The following ABCA10 variants were observed in gnomAD, a reference collection of about 807,000 sequenced individuals.
ABCA10 encodes the protein ATP-binding cassette sub-family A member 10.
Under a neutral mutation model 187.5 loss-of-function variants are expected in ABCA10, and 169 were observed. The ratio of observed to expected loss-of-function variants is 0.90; its 90% confidence interval spans 0.80 to 1.02. The LOEUF (loss-of-function observed/expected upper bound fraction) is 1.02, where lower values mean the gene tolerates loss of function less well. Among genes scored for constraint, ABCA10 ranks in the 50% least tolerant of loss-of-function variants. ABCA10 has a pLI of 0.00. For synonymous variants in ABCA10, 574 were observed against 601.8 expected (o/e 0.95, Z 0.68); for missense variants, 1,727 against 1,812.4 (o/e 0.95, Z 0.86).
intron 1 of ABCA10, among the ~76,000 whole-genome samples, chr17:69,237,339 A>T (rs180952869): frequency 3.9e-4 from 59 of 152,370 alleles, no homozygotes; most frequent in Non-Finnish European, 8.1e-4. Flanking sequence ...CAGTGGCTGT[A>T]TACCACATGA....
At chr17:69,188,743 T>C (rs1298465968) in intron 18 of ABCA10, among the ~76,000 whole-genome samples, 2 of 152,048 alleles carry the variant, frequency 1.3e-5, no homozygotes, top group African/African-American at 2.4e-5. Context: ...TGTATTCGTG[T>C]GTATTCAATG....
chr17:69,162,314 G>C (rs768144475), intron 27 of ABCA10, among the ~76,000 whole-genome samples: 3 of 152,160 alleles, frequency 2.0e-5, no homozygotes, highest in Non-Finnish European at 4.4e-5. Flanking sequence ...GGTAGAAGTG[G>C]GTCCAGTTAA....
intron 11 of ABCA10, among the ~76,000 whole-genome samples, chr17:69,194,935 G>A (rs2074487068): frequency 1.3e-5 from 2 of 152,140 alleles, no homozygotes; most frequent in African/African-American, 4.8e-5. Flanking sequence ...CATATTCGGA[G>A]GGAGGTAGAA....
rs181663982 is a variant in ABCA10, at chr17:69,174,296, A to G, written c.3147T>C (p.Ser1049=). The change falls in exon 25 of 39, where the codon TCT becomes TCC. Residue 1049 remains serine (S), a synonymous_variant. Transcript: ENST00000690296. ...ATATACTTACAATAAAAAAGCCAAA[A>G]GACCAAAAGCCATTATTTTTTCTCC... ...RKWRKNNGFW[S]FGFFIILICV... 1.3e-6 allele frequency: 2 copies of G among 1,599,270 alleles called. No homozygotes were observed. The highest frequency in any genetic ancestry group is 1.4e-5 in the African/African-American group (1 of 73,902).
chr17:69,218,727 G>A (rs541457641), intron 6 of ABCA10, among the ~76,000 whole-genome samples: 4 of 152,216 alleles, frequency 2.6e-5, no homozygotes, highest in East Asian at 3.9e-4. Flanking sequence ...AACAAACACC[G>A]AACACTGTTT....
upstream of ABCA10, among the ~76,000 whole-genome samples, chr17:69,231,836 G>T (rs1598130730): frequency 1.0e-5 from 1 of 97,222 alleles, no homozygotes; most frequent in Non-Finnish European, 2.0e-5. Context: ...TTTCTGTCTG[G>T]ATGATCTGTC....
At position 69,193,848 on chromosome 17, in the gene ABCA10, A is replaced by C; in HGVS notation, c.1487T>G (p.Ile496Arg). The change falls in exon 13 of 39, where the codon ATA (isoleucine) becomes AGA (arginine). Residue 496 changes from isoleucine (I) to arginine (R), a missense_variant. Coordinates refer to ENST00000690296, the MANE Select transcript of ABCA10 (RefSeq NM_001377321.1). ...CACTTCCTTTGGCTGAATCCCTTTT[A>C]TTTTAGCAAATACCCTGAGGTTTTC... ...VRENLRVFAKIKGIQPKEVEQ... is the reference protein window; with the variant it reads ...VRENLRVFAKRKGIQPKEVEQ... The C allele has an allele frequency of 6.2e-7, 1 of 1,613,554 alleles. No homozygotes were observed. Among genetic ancestry groups the C allele is most frequent in the Non-Finnish European group, 8.5e-7 (1 of 1,179,752 alleles).
intron 10 of ABCA10, 132 bp downstream of exon 10, chr17:69,201,368 G>T: frequency 1.2e-6 from 1 of 821,518 alleles, no homozygotes; most frequent in Non-Finnish European, 1.7e-6. Flanking sequence ...TGGTGAATGA[G>T]AGGAATTTAG....
At chr17:69,164,246 A>G (rs1371107950) in intron 26 of ABCA10, 92 bp from the exon 27 acceptor site, 1 of 1,004,686 alleles carries the variant, frequency 1.0e-6, no homozygotes, top group Non-Finnish European at 1.4e-6. Context: ...TTGATGTTCT[A>G]TGGGACAACA....
In ABCA10 at chr17:69,152,124, A is replaced by C; in HGVS notation, c.4316T>G (p.Ile1439Arg). The C allele has an allele frequency of 6.2e-7, 1 of 1,613,808 alleles. No homozygotes were observed. The highest frequency in any genetic ancestry group is 2.2e-5 in the East Asian group (1 of 44,838). The part of the protein sequence containing the change: ...NKFGRDYLLE[I>R]KMKEPTQVEA... Reference sequence around the variant, plus strand: ...CACCTGGGTAGGTTCTTTCATTTTTATTTCTAGTAAATAATCTCTACCAAA... The same window carrying C: ...CACCTGGGTAGGTTCTTTCATTTTTCTTTCTAGTAAATAATCTCTACCAAA... Residue 1439 changes from isoleucine to arginine, a missense_variant, in exon 36 of 39, where the codon ATA becomes AGA. Ile to Arg is a moderately conservative substitution (Grantham distance 97, BLOSUM62 -3). Transcript: ENST00000690296.
intron 27 of ABCA10, among the ~76,000 whole-genome samples, chr17:69,159,643 C>T (rs1198296025): frequency 6.6e-6 from 1 of 151,832 alleles, no homozygotes; most frequent in African/African-American, 2.4e-5. Context: ...AATCAAAGAA[C>T]TGAAAGAAAA....
intron 9 of ABCA10, among the ~76,000 whole-genome samples, chr17:69,214,242 G>A (rs539813805): frequency 2.0e-5 from 3 of 152,148 alleles, no homozygotes; most frequent in Non-Finnish European, 2.9e-5. Context: ...TCGGCCGGGC[G>A]CGGTGGCTCA....
intron 6 of ABCA10, among the ~76,000 whole-genome samples, chr17:69,217,404 C>T (rs1274698081): frequency 1.3e-5 from 2 of 152,116 alleles, no homozygotes; most frequent in Non-Finnish European, 2.9e-5. Context: ...AAATATACCA[C>T]TGAGCATTTT....
At chr17:69,182,318 T>A in intron 21 of ABCA10, 28 bp from the exon 22 acceptor site, 1 of 1,365,228 alleles carries the variant, frequency 7.3e-7, no homozygotes, top group South Asian at 1.7e-5. Flanking sequence ...AAATATAAGT[T>A]ATAAATTCTT....
rs148192138 is a variant in ABCA10 at position 69,226,588 on chromosome 17, T to G, written c.-172+557A>C. 4.4e-3 allele frequency among the ~76,000 whole-genome samples: 676 copies of G among 152,078 alleles called. 8 individuals are homozygous for G. Among genetic ancestry groups the G allele is most frequent in the African/African-American group, 0.015 (635 of 41,532 alleles). ...GAAACTCAACAGAATGCAAAGGTAT[T>G]GACAATCTGTGATCTTATTCCATGA... On this transcript the variant is annotated intron_variant, in intron 2 of 38. Transcript: ENST00000690296.
At chr17:69,214,551 T>C (rs1264787372) in intron 9 of ABCA10, among the ~76,000 whole-genome samples, 153 bp downstream of exon 9, 2 of 152,092 alleles carry the variant, frequency 1.3e-5, no homozygotes, top group Admixed American at 6.5e-5. Flanking sequence ...TACCTTTAAA[T>C]AGTAAAATGG....
At chr17:69,159,897 A>T (rs762281622) in intron 27 of ABCA10, among the ~76,000 whole-genome samples, 2 of 152,212 alleles carry the variant, frequency 1.3e-5, no homozygotes, top group Non-Finnish European at 2.9e-5. Context: ...ACTCAATGTG[A>T]AAAAGACAAT....
At chr17:69,164,510 T>C (rs998131734) in intron 26 of ABCA10, among the ~76,000 whole-genome samples, 1 of 152,200 alleles carries the variant, frequency 6.6e-6, no homozygotes, top group Non-Finnish European at 1.5e-5. Flanking sequence ...AATCATGTTT[T>C]CTTTCCCTCA....
intron 16 of ABCA10, among the ~76,000 whole-genome samples, chr17:69,191,618 C>T (rs1598106082): frequency 6.6e-6 from 1 of 151,862 alleles, no homozygotes; most frequent in South Asian, 2.1e-4. Flanking sequence ...CACAAACACA[C>T]ATACACACAT....
Sources: allele counts gnomAD v4.1 joint callset (sites outside exome capture counted in the v4.1 genomes callset), GRCh38; gene constraint gnomAD v4.1.1; transcripts MANE v1.5; gene names NCBI Gene and HGNC (gene_info 2026-07-23, HGNC 2026-07-21).